The following ABLIM1 variants were observed in gnomAD, a reference collection of about 807,000 sequenced individuals.
ABLIM1 encodes actin binding LIM protein 1, also known as actin-binding LIM protein 1.
Under a neutral mutation model 107.0 loss-of-function variants are expected in ABLIM1, and 40 were observed. That is an observed-to-expected ratio of 0.37 (90% CI 0.29 to 0.49). The LOEUF is 0.49. Ranked by LOEUF, ABLIM1 falls within the 20% of genes least tolerant of loss-of-function variation. ABLIM1 has a pLI of 0.97. For missense variants in ABLIM1, 857 were observed against 1,008.5 expected (o/e 0.85, Z 2.04); for synonymous variants, 357 against 357.3 (o/e 1.00, Z 0.01).
Position 114,447,955 on chromosome 10 carries a change from G to C in ABLIM1, c.1660C>G (p.Gln554Glu), listed in dbSNP as rs1283362430. Reference sequence around the variant, plus strand: ...GGTGTCTCGCTGGGGTCTGGTGCCTGGGCTGCTGGGAACTTGGAAAACTTG... The same window carrying C: ...GGTGTCTCGCTGGGGTCTGGTGCCTCGGCTGCTGGGAACTTGGAAAACTTG... Reference protein sequence around the residue: ...IIKFSKFPAAQAPDPSETPKI... With the variant: ...IIKFSKFPAAEAPDPSETPKI... Residue 554 changes from glutamine (Q) to glutamate (E), a missense_variant, in exon 15 of 23, where the codon CAG becomes GAG. Physicochemically the swap from Gln to Glu is conservative, Grantham distance 29. Around this residue, in one of 5 missense-constraint regions of ABLIM1, gnomAD observed 103 missense variants for 101.0 expected, o/e 1.02. Coordinates refer to ENST00000533213, the MANE Select transcript of ABLIM1 (RefSeq NM_002313.7). 1.2e-6 allele frequency: 2 copies of C among 1,614,160 alleles called. No individual in the cohort carries two copies. Among genetic ancestry groups the C allele is most frequent in the South Asian group, 2.2e-5 (2 of 91,072 alleles).
intron 1 of ABLIM1, among the ~76,000 whole-genome samples, chr10:114,617,613 G>A (rs188499313): frequency 1.2e-4 from 18 of 152,038 alleles, no homozygotes; most frequent in East Asian, 3.9e-4. Flanking sequence ...AAGGGACCTC[G>A]GGCCATTCCT....
intron 6 of ABLIM1, among the ~76,000 whole-genome samples, chr10:114,494,399 G>T (rs999235444): frequency 2.6e-5 from 4 of 152,204 alleles, no homozygotes; most frequent in Non-Finnish European, 4.4e-5. Flanking sequence ...AGCCAGGCAT[G>T]GTGGCTTACG....
intron 1 of ABLIM1, among the ~76,000 whole-genome samples, chr10:114,645,465 C>CT (rs1028512606): frequency 0.013 from 1,932 of 147,692 alleles, 34 homozygotes; most frequent in African/African-American, 0.042. Flanking sequence ...CGCAGAGTCT[C>CT]TTTTTTTTTT....
intron 1 of ABLIM1, among the ~76,000 whole-genome samples, chr10:114,713,984 G>A (rs945774979): frequency 2.6e-5 from 4 of 152,008 alleles, no homozygotes; most frequent in African/African-American, 9.7e-5. Flanking sequence ...GAATTCACAG[G>A]GTCTACACAC....
chr10:114,756,018 T>C (rs1487668464), intron 1 of ABLIM1, among the ~76,000 whole-genome samples: 2 of 152,148 alleles, frequency 1.3e-5, no homozygotes, highest in Non-Finnish European at 2.9e-5. Flanking sequence ...ATTTAATCCA[T>C]AGGATTAAAT....
intron 19 of ABLIM1, 64 bp downstream of exon 19, chr10:114,440,953 C>A: frequency 6.8e-7 from 1 of 1,473,088 alleles, no homozygotes; most frequent in Non-Finnish European, 9.3e-7. Context: ...GTATACTTGA[C>A]TCTCATGAAC....
chr10:114,478,828 A>C (rs1282266077), intron 8 of ABLIM1, among the ~76,000 whole-genome samples: 2 of 152,144 alleles, frequency 1.3e-5, no homozygotes, highest in African/African-American at 2.4e-5. Flanking sequence ...CTGACCTCCT[A>C]AGTTTATGGT....
intron 2 of ABLIM1, among the ~76,000 whole-genome samples, chr10:114,578,596 G>T (rs1204016869): frequency 6.6e-6 from 1 of 151,346 alleles, no homozygotes; most frequent in Non-Finnish European, 1.5e-5. Flanking sequence ...AGTAGAGATG[G>T]GGTTTCACCA....
intron 2 of ABLIM1, among the ~76,000 whole-genome samples, chr10:114,594,679 G>A (rs2075243457): frequency 1.3e-5 from 2 of 152,170 alleles, no homozygotes; most frequent in South Asian, 4.1e-4. Context: ...GAACCTGGGA[G>A]GTGGAGGTTG....
chr10:114,616,412 T>G (rs945487382), intron 1 of ABLIM1, among the ~76,000 whole-genome samples: 1 of 152,192 alleles, frequency 6.6e-6, no homozygotes, highest in Non-Finnish European at 1.5e-5. Flanking sequence ...AGCCACCTCA[T>G]TTCATTCCAC....
Position 114,601,908 on chromosome 10 carries a change from G to A in ABLIM1, c.298C>T (p.His100Tyr). The A allele has an allele frequency of 6.2e-7, 1 of 1,614,204 alleles. No individual in the cohort carries two copies. The highest frequency in any genetic ancestry group is 8.5e-7 in the Non-Finnish European group (1 of 1,180,028). Reference protein sequence around the residue: ...HPSEKPVIHCHKCGEPCKGEV... With the variant: ...HPSEKPVIHCYKCGEPCKGEV... ...CCCTTGCAAGGCTCCCCACATTTAT[G>A]GCAGTGAATGACAGGCTTCTCTGAT... is the stretch of plus-strand genomic sequence containing the variant. Residue 100 changes from histidine to tyrosine, a missense_variant, in exon 2 of 23, where the codon CAT becomes TAT. Coordinates refer to ENST00000533213, the MANE Select transcript of ABLIM1 (RefSeq NM_002313.7).
At chr10:114,612,662 T>C (rs2076887947) in intron 1 of ABLIM1, among the ~76,000 whole-genome samples, 1 of 152,220 alleles carries the variant, frequency 6.6e-6, no homozygotes, top group African/African-American at 2.4e-5. Context: ...CCAGCAATTC[T>C]ACTTAGAAAT....
At chr10:114,584,031 G>A (rs1218356348) in intron 2 of ABLIM1, among the ~76,000 whole-genome samples, 1 of 151,962 alleles carries the variant, frequency 6.6e-6, no homozygotes, top group African/African-American at 2.4e-5. Flanking sequence ...TATTACCTGG[G>A]TGATGGTTTC....
chr10:114,781,038 CA>C, the ABLIM1 span, among the ~76,000 whole-genome samples: 5 of 152,134 alleles, frequency 3.3e-5, no homozygotes, highest in African/African-American at 1.2e-4. Context: ...TTGTTAGGGG[CA>C]ACAGAATCAC....
At chr10:114,470,883 G>C (rs1014943334) in intron 10 of ABLIM1, among the ~76,000 whole-genome samples, 4 of 150,564 alleles carry the variant, frequency 2.7e-5, no homozygotes, top group Non-Finnish European at 4.4e-5. Flanking sequence ...TTTTTGTTTT[G>C]TTTGCTTTGT....
At chr10:114,494,780 A>G (rs1386750361) in intron 6 of ABLIM1, among the ~76,000 whole-genome samples, 1 of 152,210 alleles carries the variant, frequency 6.6e-6, no homozygotes, top group Non-Finnish European at 1.5e-5. Context: ...GGTAAGTCTG[A>G]TTGGATTCAA....
chr10:114,523,008 C>T (rs987162251), intron 6 of ABLIM1, among the ~76,000 whole-genome samples: 34 of 152,160 alleles, frequency 2.2e-4, no homozygotes, highest in African/African-American at 7.7e-4. Context: ...AAAAATTAGC[C>T]GGGCATGGTG....
At chr10:114,617,124 C>T (rs1211105663) in intron 1 of ABLIM1, among the ~76,000 whole-genome samples, 1 of 152,172 alleles carries the variant, frequency 6.6e-6, no homozygotes, top group African/African-American at 2.4e-5. Flanking sequence ...ACAGCTGTAC[C>T]ACAAGGGGCA....
the ABLIM1 span, among the ~76,000 whole-genome samples, chr10:114,790,593 G>A: frequency 6.6e-6 from 1 of 152,164 alleles, no homozygotes; most frequent in South Asian, 2.1e-4. Flanking sequence ...CATTAACCTA[G>A]GTGTGGACCC....
Sources: gnomAD v4.1 joint callset for allele counts (sites outside exome capture counted in the v4.1 genomes callset) on GRCh38, gnomAD v4.1.1 for gene constraint, gnomAD v4.1.1 regional missense constraint, MANE v1.5 for transcripts, NCBI Gene and HGNC (gene_info 2026-07-23, HGNC 2026-07-21) for gene names.